TLK2: variants seen among roughly 807,000 people sequenced by gnomAD.
TLK2 encodes tousled like kinase 2, also known as serine/threonine-protein kinase tousled-like 2.
A neutral mutation model predicts 117.3 loss-of-function variants in TLK2; 6 were observed. The observed-to-expected ratio is 0.05, with a 90% confidence interval of 0.03 to 0.10. The LOEUF (loss-of-function observed/expected upper bound fraction) is 0.10, where lower values mean the gene tolerates loss of function less well. Ranked by LOEUF, TLK2 falls within the 10% of genes least tolerant of loss-of-function variation. The pLI is 1.00. For missense variants in TLK2, 299 were observed against 901.2 expected, an observed-to-expected ratio of 0.33 and a Z score of 8.56; for synonymous variants, 257 against 316.7, an observed-to-expected ratio of 0.81 and a Z score of 2.00.
chr17:62,511,410 A>G (rs1395116729), intron 2 of TLK2, among the ~76,000 whole-genome samples: 1 of 152,192 alleles, frequency 6.6e-6, no homozygotes, highest in Non-Finnish European at 1.5e-5. Context: ...TCACCCTGTC[A>G]CTCAGGCTGG....
At chr17:62,587,736 T>C (rs571436326) in intron 16 of TLK2, among the ~76,000 whole-genome samples, 25 of 152,266 alleles carry the variant, frequency 1.6e-4, no homozygotes, top group Admixed American at 4.6e-4. Flanking sequence ...AGTTACATTA[T>C]TATAAGAACA....
At chr17:62,558,906 T>G (rs1000837910) in intron 9 of TLK2, among the ~76,000 whole-genome samples, 4 of 152,244 alleles carry the variant, frequency 2.6e-5, no homozygotes, top group African/African-American at 9.6e-5. Context: ...TGATATCTTC[T>G]GTTTGTGCCT....
At chr17:62,523,776 C>T (rs576062896) in intron 5 of TLK2, among the ~76,000 whole-genome samples, 5 of 152,168 alleles carry the variant, frequency 3.3e-5, no homozygotes, top group South Asian at 2.1e-4. Flanking sequence ...CTTGGCCAGA[C>T]GAGGTTTTGT....
At chr17:62,475,428 C>T (rs1315028040), upstream of TLK2, among the ~76,000 whole-genome samples, 1 of 152,098 alleles carries the variant, frequency 6.6e-6, no homozygotes, top group Non-Finnish European at 1.5e-5. Flanking sequence ...CTGCAACCTT[C>T]GACTCCCAGG....
At chr17:62,603,273 G>A (rs1375726740) in intron 19 of TLK2, among the ~76,000 whole-genome samples, 4 of 152,148 alleles carry the variant, frequency 2.6e-5, no homozygotes, top group Non-Finnish European at 4.4e-5. Flanking sequence ...ACAATGCCCC[G>A]GTTTCTGTTG....
chr17:62,497,632 A>G (rs1294011394), intron 2 of TLK2, among the ~76,000 whole-genome samples: 8 of 152,298 alleles, frequency 5.3e-5, no homozygotes, highest in African/African-American at 1.7e-4. Context: ...GGGAGTTGAA[A>G]TCCTTTCATC....
At chr17:62,472,249 G>A (rs2070957007) in intron 1 of TLK2, among the ~76,000 whole-genome samples, 1 of 152,072 alleles carries the variant, frequency 6.6e-6, no homozygotes, top group Non-Finnish European at 1.5e-5. Context: ...TCCTGTGTAA[G>A]CCTCGTCAGG....
chr17:62,492,004 A>G (rs1382814910), intron 2 of TLK2, among the ~76,000 whole-genome samples: 1 of 152,240 alleles, frequency 6.6e-6, no homozygotes, highest in Non-Finnish European at 1.5e-5. Context: ...GCTCTAGTTA[A>G]CTTAGGAGTC....
At position 62,614,727 on chromosome 17, in the gene TLK2, G is replaced by C. The variant is rs1164613313; in HGVS notation, c.*2162G>C. On this transcript the variant is annotated 3_prime_UTR_variant, in exon 22 of 22. Transcript: ENST00000346027. ...TTACAATTTATATGTATATACACAT[G>C]CACATATAAACGTGTGCATTTATGT... 6 of 152,148 alleles carry C rather than the reference G, an allele frequency of 3.9e-5. No homozygotes were observed. The highest frequency in any genetic ancestry group is 1.4e-4 in the African/African-American group (6 of 41,422). 9.4% of individuals were successfully genotyped at this position (152,148 alleles called of 1,614,324 possible).
At chr17:62,501,894 G>A (rs1385409475) in intron 2 of TLK2, among the ~76,000 whole-genome samples, 1 of 152,128 alleles carries the variant, frequency 6.6e-6, no homozygotes, top group Non-Finnish European at 1.5e-5. Context: ...CTGAACCCAG[G>A]AGGTTGAGGC....
At position 62,493,071 on chromosome 17, in the gene TLK2, T is replaced by C. The variant is rs142450894; in HGVS notation, c.81+11865T>C. On this transcript the variant is annotated intron_variant, in intron 2 of 21. Coordinates refer to ENST00000346027, the MANE Select transcript of TLK2 (RefSeq NM_006852.6). ...GAGATCATGCCACTGCACTCCAGTC[T>C]AGTCGACAAAGCAAGACTCCGTCTC... is the stretch of plus-strand genomic sequence containing the variant. Among the ~76,000 whole-genome samples, 238 of 152,154 alleles carry C rather than the reference T, an allele frequency of 1.6e-3. 3 individuals carry two copies. The East Asian group carries it at 0.029, about 19-fold the overall frequency.
intron 17 of TLK2, among the ~76,000 whole-genome samples, chr17:62,599,714 T>C (rs943592037): frequency 6.6e-6 from 1 of 152,230 alleles, no homozygotes; most frequent in African/African-American, 2.4e-5. Context: ...ATCATCTGTA[T>C]GATCAGTTCC....
intron 7 of TLK2, among the ~76,000 whole-genome samples, chr17:62,540,407 T>TTTTTTC: frequency 1.3e-5 from 1 of 79,872 alleles, no homozygotes. Flanking sequence ...AGAATTTTTT[T>TTTTTTC]TTTTTTTTTT....
chr17:62,559,999 T>A lies in TLK2; in HGVS notation c.721-17T>A. On this transcript the variant is annotated splice_polypyrimidine_tract_variant and intron_variant, in intron 9 of 21. Transcript: ENST00000346027. ...CTTCTTCCTTGGAGCTAATTAAAAA[T>A]TTTTTTCTCATTGAAGGCCAACTGT... The A allele has an allele frequency of 1.9e-6, 3 of 1,572,590 alleles. No homozygotes were observed. The highest frequency in any genetic ancestry group is 2.6e-6 in the Non-Finnish European group (3 of 1,156,034).
chr17:62,506,368 A>C (rs1460726024), intron 2 of TLK2, among the ~76,000 whole-genome samples: 2 of 152,202 alleles, frequency 1.3e-5, no homozygotes, highest in African/African-American at 4.8e-5. Flanking sequence ...TATTAGTGAC[A>C]TCTGCTTAGT....
chr17:62,586,056 A>G (rs920853279), intron 15 of TLK2, 79 bp from the exon 16 acceptor site: 3 of 1,047,392 alleles, frequency 2.9e-6, no homozygotes, highest in Admixed American at 2.3e-5. Context: ...ATTATGTTAT[A>G]TGTTAAATTA....
rs1598426695 is a variant in TLK2, at chr17:62,535,008, C to G, written c.364-1162C>G. On this transcript the variant is annotated intron_variant, in intron 6 of 21. Transcript: ENST00000346027. ...GGTTTAAGCAATTCTTCTGCCTTAG[C>G]CTCCCGAGTATCTTGGATTACAGGT... Among the ~76,000 whole-genome samples the G allele has an allele frequency of 2.0e-5, 3 of 149,346 alleles. No homozygotes were observed. The Admixed American group carries it at 2.0e-4, about 10-fold the overall frequency.
Position 62,536,295 on chromosome 17 carries a change from G to A in TLK2, c.489G>A (p.Gln163=), listed in dbSNP as rs1466814865. The A allele has an allele frequency of 6.2e-7, 1 of 1,613,478 alleles. No individual in the cohort carries two copies. The highest frequency in any genetic ancestry group is 1.1e-5 in the South Asian group (1 of 91,010). The part of the protein sequence containing the change: ...MLAKPRLDTE[Q]LAQRGAGLCF... ...CAAAACCTCGGCTTGACACAGAGCA[G>A]CTGGCGCAAAGGGGAGCTGGCCTCT... Residue 163 remains glutamine, a synonymous_variant, in exon 7 of 22, where the codon CAG becomes CAA. Coordinates refer to ENST00000346027, the MANE Select transcript of TLK2 (RefSeq NM_006852.6).
rs186084958 is a variant in TLK2, at chr17:62,614,891, A to G, written c.*2326A>G. 1 of 152,308 alleles carries G rather than the reference A, an allele frequency of 6.6e-6. No homozygotes were observed. The highest frequency in any genetic ancestry group is 1.9e-4 in the East Asian group (1 of 5,194). 9.4% of individuals were successfully genotyped at this position (152,308 alleles called of 1,614,324 possible). ...TGAAGCTGAGACCGTGTTCAAACTC[A>G]CTGAAAACAATGAAGTTCTATTCCT... On this transcript the variant is annotated 3_prime_UTR_variant, in exon 22 of 22. Transcript: ENST00000346027.
Sources: allele counts gnomAD v4.1 joint callset (sites outside exome capture counted in the v4.1 genomes callset), GRCh38; gene constraint gnomAD v4.1.1; transcripts MANE v1.5; gene names NCBI Gene and HGNC (gene_info 2026-07-23, HGNC 2026-07-21).